EPG5: variants seen among roughly 807,000 people sequenced by gnomAD.
The protein encoded by EPG5 is ectopic P-granules 5 autophagy tethering factor.
Under a neutral mutation model 302.7 loss-of-function variants are expected in EPG5, and 159 were observed. The observed-to-expected ratio is 0.53, with a 90% confidence interval of 0.46 to 0.60. The LOEUF is 0.60. Among genes scored for constraint, EPG5 ranks in the 20% least tolerant of loss-of-function variants. The pLI, the probability that EPG5 is intolerant of heterozygous loss-of-function variation, is 0.00. For synonymous variants in EPG5, 1,158 were observed against 1,136.8 expected (o/e 1.02, Z -0.37); for missense variants, 2,896 against 3,092.4 (o/e 0.94, Z 1.51).
At chr18:45,833,425 C>T in the EPG5 span, among the ~76,000 whole-genome samples, 277 of 152,242 alleles carry the variant, frequency 1.8e-3, 3 homozygotes, top group African/African-American at 6.4e-3. Flanking sequence ...CAAGCAATCT[C>T]ATGCTTCAGC....
chr18:45,955,991 C>T (rs2051020454), intron 1 of EPG5, among the ~76,000 whole-genome samples: 2 of 152,252 alleles, frequency 1.3e-5, no homozygotes, highest in South Asian at 4.1e-4. Flanking sequence ...CCCATGGATG[C>T]TAAAGTGAGT....
At chr18:45,929,520 CAG>C (rs1043713256) in intron 12 of EPG5, among the ~76,000 whole-genome samples, 2 of 151,896 alleles carry the variant, frequency 1.3e-5, no homozygotes, top group African/African-American at 4.8e-5. Context: ...AGAAAAATAA[CAG>C]AATAAAATAA....
intron 27 of EPG5, among the ~76,000 whole-genome samples, chr18:45,894,969 G>A (rs1426840338): frequency 1.3e-5 from 2 of 152,186 alleles, no homozygotes; most frequent in East Asian, 1.9e-4. Flanking sequence ...AGACTAGGCA[G>A]GGAGAGAGAT....
intron 35 of EPG5, among the ~76,000 whole-genome samples, chr18:45,872,457 A>T (rs1352983930): frequency 6.6e-6 from 1 of 152,208 alleles, no homozygotes; most frequent in Non-Finnish European, 1.5e-5. Context: ...CAATCCCGGC[A>T]CTTTGGGAGG....
chr18:45,878,779 C>T (rs540321172), intron 33 of EPG5, among the ~76,000 whole-genome samples: 1 of 152,280 alleles, frequency 6.6e-6, no homozygotes, highest in East Asian at 1.9e-4. Flanking sequence ...TGTACCCCAA[C>T]CTGCAAAGGA....
chr18:45,904,031 C>G lies in EPG5; in HGVS notation c.4416G>C (p.Glu1472Asp). ...ACAAACTGCAGGGTGTGGAATGGGA[C>G]TCAAGCTTGGCCTGTGTCCACAGAC... is the stretch of plus-strand genomic sequence containing the variant. ...TVGLWTQAKL[E>D]SHSTPCSLSV... The change falls in exon 25 of 44, where the codon GAG (glutamate) becomes GAC (aspartate). Residue 1472 changes from glutamate (E) to aspartate (D), a missense_variant. By Grantham distance (45) the Glu-to-Asp change is conservative. Transcript: ENST00000282041. The G allele has an allele frequency of 1.2e-6, 2 of 1,613,324 alleles. No homozygotes were observed. The highest frequency in any genetic ancestry group is 4.5e-5 in the East Asian group (2 of 44,804).
At chr18:45,951,428 T>G (rs989806788) in intron 3 of EPG5, among the ~76,000 whole-genome samples, 190 bp from the exon 4 acceptor site, 2 of 151,806 alleles carry the variant, frequency 1.3e-5, no homozygotes, top group African/African-American at 4.8e-5. Flanking sequence ...CTTTGAAGTA[T>G]TTCAAAATAA....
In EPG5 at chr18:45,860,241, C is replaced by T; in HGVS notation, c.6872G>A (p.Ser2291Asn). The T allele has an allele frequency of 1.2e-6, 2 of 1,614,254 alleles. No individual in the cohort carries two copies. Among genetic ancestry groups the T allele is most frequent in the Non-Finnish European group, 1.7e-6 (2 of 1,180,044 alleles). The change falls in exon 40 of 44, where the codon AGT (serine) becomes AAT (asparagine). Residue 2291 changes from serine to asparagine, a missense_variant. Physicochemically the swap from Ser to Asn is conservative, Grantham distance 46. This residue lies in a region of EPG5 where 620 missense variants were observed against 704.2 expected (regional missense o/e 0.88). Coordinates refer to ENST00000282041, the MANE Select transcript of EPG5 (RefSeq NM_020964.3). ...TIPTAEFLRG[S>N]IRTWIGQKMH... The stretch of plus-strand genomic sequence containing the variant: ...TTTTTGGCCAATCCAGGTCCGGATA[C>T]TGCCCCGAAGGAACTCTGCTGTTGG...
At chr18:45,836,673 C>A in the EPG5 span, among the ~76,000 whole-genome samples, 29 of 152,208 alleles carry the variant, frequency 1.9e-4, no homozygotes, top group Non-Finnish European at 2.9e-5. Flanking sequence ...GTGAAACAGC[C>A]CACCTCTCTG....
At chr18:45,960,932 C>A (rs2143879978) in intron 1 of EPG5, among the ~76,000 whole-genome samples, 1 of 152,124 alleles carries the variant, frequency 6.6e-6, no homozygotes, top group East Asian at 1.9e-4. Context: ...AAGGCTACTC[C>A]ACATTGCTAC....
At chr18:45,816,906 T>C in the EPG5 span, among the ~76,000 whole-genome samples, 1 of 152,140 alleles carries the variant, frequency 6.6e-6, no homozygotes, top group Non-Finnish European at 1.5e-5. Context: ...GAAACTGTGG[T>C]ATATATGTGG....
intron 27 of EPG5, among the ~76,000 whole-genome samples, chr18:45,894,921 CTA>C (rs1437420626): frequency 6.6e-6 from 1 of 152,034 alleles, no homozygotes; most frequent in Non-Finnish European, 1.5e-5. Flanking sequence ...GTGATCAGAT[CTA>C]TGTTTCAAAA....
At chr18:45,905,877 G>C (rs932361022) in intron 24 of EPG5, among the ~76,000 whole-genome samples, 1 of 152,122 alleles carries the variant, frequency 6.6e-6, no homozygotes, top group African/African-American at 2.4e-5. Context: ...ATGGATGAGG[G>C]GTGTCAAGCA....
chr18:45,922,704 G>A (rs571985795), intron 15 of EPG5, 104 bp from the exon 16 acceptor site: 2 of 1,343,002 alleles, frequency 1.5e-6, no homozygotes, highest in African/African-American at 1.5e-5. Context: ...TCAACGCAGA[G>A]GAATATTCTA....
intron 35 of EPG5, among the ~76,000 whole-genome samples, chr18:45,872,396 C>G (rs1321456036): frequency 6.6e-6 from 1 of 152,214 alleles, no homozygotes; most frequent in African/African-American, 2.4e-5. Context: ...TTTCTCAACA[C>G]AAATCTTTTA....
intron 36 of EPG5, chr18:45,868,048 G>A (rs185761202): frequency 2.5e-5 from 12 of 489,360 alleles, no homozygotes; most frequent in Non-Finnish European, 4.4e-5. Context: ...GCCACAGTAA[G>A]TCACTGGAGC....
intron 11 of EPG5, among the ~76,000 whole-genome samples, chr18:45,932,951 G>C (rs1429723819): frequency 6.6e-6 from 1 of 151,722 alleles, no homozygotes; most frequent in Non-Finnish European, 1.5e-5. Flanking sequence ...TTTGACATCG[G>C]CTCCATCTGC....
At chr18:45,824,347 C>T in the EPG5 span, among the ~76,000 whole-genome samples, 1 of 152,200 alleles carries the variant, frequency 6.6e-6, no homozygotes, top group Non-Finnish European at 1.5e-5. Flanking sequence ...GCTGAGACTA[C>T]AGGCACCCAC....
At chr18:45,944,727 G>C (rs7242733) in intron 7 of EPG5, among the ~76,000 whole-genome samples, 45,162 of 151,968 alleles carry the variant, frequency 0.3, 9,351 homozygotes, top group African/African-American at 0.57. Context: ...TGCACTCCAG[G>C]CTGGGTGACA....
Sources: gnomAD v4.1 joint callset for allele counts (sites outside exome capture counted in the v4.1 genomes callset) on GRCh38, gnomAD v4.1.1 for gene constraint, gnomAD v4.1.1 regional missense constraint, MANE v1.5 for transcripts, NCBI Gene and HGNC (gene_info 2026-07-23, HGNC 2026-07-21) for gene names.